Variants in TYW1B observed in about 807,000 individuals in gnomAD.
The protein encoded by TYW1B is S-adenosyl-L-methionine-dependent tRNA 4-demethylwyosine synthase TYW1B.
Under a neutral mutation model 86.9 loss-of-function variants are expected in TYW1B, and 73 were observed. The observed-to-expected ratio is 0.84, with a 90% CI of 0.70 to 1.02. The LOEUF (loss-of-function observed/expected upper bound fraction) is 1.02. Among genes scored for constraint, TYW1B ranks in the 50% least tolerant of loss-of-function variants. TYW1B has a pLI of 0.00. For synonymous variants in TYW1B, 248 were observed against 292.8 expected, an observed-to-expected ratio of 0.85 and a Z score of 1.56; for missense variants, 637 against 827.4, an observed-to-expected ratio of 0.77 and a Z score of 2.82.
At chr7:72,664,961 T>C (rs1227144607) in intron 11 of TYW1B, among the ~76,000 whole-genome samples, 2 of 152,208 alleles carry the variant, frequency 1.3e-5, no homozygotes, top group East Asian at 1.9e-4. Flanking sequence ...GCTAATACAA[T>C]GTAAACGCTA....
intron 13 of TYW1B, among the ~76,000 whole-genome samples, chr7:72,594,796 T>C (rs1438394806): frequency 1.3e-5 from 2 of 152,182 alleles, no homozygotes; most frequent in Admixed American, 6.6e-5. Context: ...AAAAGAATTA[T>C]ATGCCCTGGA....
Position 72,744,591 on chromosome 7 carries a change from C to T in TYW1B, c.975G>A (p.Pro325=), listed in dbSNP as rs782051078. 1.6e-4 allele frequency: 255 copies of T among 1,613,684 alleles called. 1 individual carries two copies. Among genetic ancestry groups the T allele is most frequent in the Non-Finnish European group, 2.0e-4 (240 of 1,179,754 alleles). ...REALTKQVDA[P]RERSLLQTHI... ...GTGTTTGTAACAAGCTCCTCTCCCT[C>T]GGAGCATCGACTATGACAAGTAAAC... is the stretch of plus-strand genomic sequence containing the variant. The change falls in exon 8 of 14, where the codon CCG becomes CCA. Residue 325 remains proline, a synonymous_variant. Coordinates refer to ENST00000620995, the MANE Select transcript of TYW1B (RefSeq NM_001145440.3).
intron 10 of TYW1B, among the ~76,000 whole-genome samples, chr7:72,711,380 G>T (rs1786657561): frequency 6.6e-6 from 1 of 150,588 alleles, no homozygotes; most frequent in Non-Finnish European, 1.5e-5. Flanking sequence ...ACAGAGTGTG[G>T]CTTCTGACCT....
chr7:72,671,173 A>G (rs1813592316), intron 11 of TYW1B, among the ~76,000 whole-genome samples: 1 of 152,182 alleles, frequency 6.6e-6, no homozygotes, highest in Admixed American at 6.5e-5. Context: ...AACCTACAAA[A>G]TAGAAAATAC....
chr7:72,610,564 T>C (rs1450703625), intron 13 of TYW1B, among the ~76,000 whole-genome samples: 1 of 151,958 alleles, frequency 6.6e-6, no homozygotes, highest in African/African-American at 2.4e-5. Flanking sequence ...AGACCCCCAT[T>C]TCACCCTCAG....
intron 6 of TYW1B, among the ~76,000 whole-genome samples, chr7:72,779,156 T>C (rs572121003): frequency 9.1e-4 from 138 of 152,360 alleles, no homozygotes; most frequent in South Asian, 8.7e-3. Flanking sequence ...CTGTCTATTT[T>C]AAATGTCCAG....
intron 6 of TYW1B, among the ~76,000 whole-genome samples, chr7:72,799,691 A>G (rs185104706): frequency 0.014 from 2,144 of 151,376 alleles, 65 homozygotes; most frequent in African/African-American, 0.046. Flanking sequence ...GATCTCGATC[A>G]CCTGACCTCG....
rs1812848569 is a variant in TYW1B at position 72,643,384 on chromosome 7, C to T, written c.1507-14387G>A. 2.6e-5 allele frequency among the ~76,000 whole-genome samples: 4 copies of T among 151,874 alleles called. No homozygotes were observed. The South Asian group carries it at 6.3e-4, about 24-fold the overall frequency. ...GGCGGATCACCTAAGGTCAGGAGTTCGAGACCAGCCTGATCAACACTGTGA... is the reference window on the plus strand; with the variant it reads ...GGCGGATCACCTAAGGTCAGGAGTTTGAGACCAGCCTGATCAACACTGTGA... On this transcript the variant is annotated intron_variant, in intron 11 of 13. Coordinates refer to ENST00000620995, the MANE Select transcript of TYW1B (RefSeq NM_001145440.3).
At chr7:72,774,572 A>G (rs1230827347) in intron 7 of TYW1B, among the ~76,000 whole-genome samples, 1 of 151,882 alleles carries the variant, frequency 6.6e-6, no homozygotes, top group Non-Finnish European at 1.5e-5. Context: ...AATACAAAAA[A>G]TTAGCCAGGC....
At chr7:72,727,086 G>A (rs375937647) in intron 9 of TYW1B, among the ~76,000 whole-genome samples, 12 of 152,132 alleles carry the variant, frequency 7.9e-5, no homozygotes, top group African/African-American at 2.4e-4. Flanking sequence ...GGATTACGGA[G>A]ATTACAATTC....
At chr7:72,771,393 T>C (rs1436345849) in intron 7 of TYW1B, among the ~76,000 whole-genome samples, 1 of 152,250 alleles carries the variant, frequency 6.6e-6, no homozygotes, top group Non-Finnish European at 1.5e-5. Context: ...TAATAACTTA[T>C]ATCTTAATTG....
At chr7:72,637,725 ACTT>A (rs1208340102) in intron 11 of TYW1B, among the ~76,000 whole-genome samples, 7 of 151,426 alleles carry the variant, frequency 4.6e-5, no homozygotes, top group African/African-American at 1.7e-4. Flanking sequence ...GTACCAATTA[ACTT>A]CTTAATATAT....
intron 9 of TYW1B, among the ~76,000 whole-genome samples, chr7:72,725,209 C>T (rs1161136071): frequency 6.6e-6 from 1 of 152,084 alleles, no homozygotes; most frequent in African/African-American, 2.4e-5. Flanking sequence ...AGTGCATTTG[C>T]AAAAACGCTC....
chr7:72,782,913 T>C (rs1162083456), intron 6 of TYW1B, among the ~76,000 whole-genome samples: 1 of 151,986 alleles, frequency 6.6e-6, no homozygotes, highest in Non-Finnish European at 1.5e-5. Flanking sequence ...ATGCCCAAAT[T>C]CTCCAGAGGT....
intron 12 of TYW1B, among the ~76,000 whole-genome samples, chr7:72,625,445 C>T (rs1427176118): frequency 3.9e-5 from 6 of 151,928 alleles, no homozygotes; most frequent in South Asian, 4.2e-4. Context: ...ATAGTGAGAC[C>T]CCATTTCTAT....
chr7:72,809,312 G>C (rs1788557776), intron 4 of TYW1B, among the ~76,000 whole-genome samples: 2 of 152,028 alleles, frequency 1.3e-5, no homozygotes, highest in South Asian at 2.1e-4. Flanking sequence ...CAAAGTGCTG[G>C]GATTACAGGC....
chr7:72,679,108 A>T (rs1813809102), intron 11 of TYW1B, among the ~76,000 whole-genome samples: 1 of 152,166 alleles, frequency 6.6e-6, no homozygotes, highest in African/African-American at 2.4e-5. Flanking sequence ...TCAAAAAACA[A>T]ATAAAATAGA....
chr7:72,625,225 T>C (rs1812316090), intron 12 of TYW1B, among the ~76,000 whole-genome samples: 1 of 152,196 alleles, frequency 6.6e-6, no homozygotes. Context: ...TCTCCAGAGC[T>C]TTAACAAGGC....
chr7:72,822,252 C>G (rs1314187203), intron 2 of TYW1B, among the ~76,000 whole-genome samples: 4 of 145,708 alleles, frequency 2.7e-5, no homozygotes, highest in African/African-American at 5.1e-5. Flanking sequence ...ATCTGAGACA[C>G]AGAAGACGAT....
Sources: gnomAD v4.1 joint callset for allele counts (sites outside exome capture counted in the v4.1 genomes callset) on GRCh38, gnomAD v4.1.1 for gene constraint, MANE v1.5 for transcripts, NCBI Gene and HGNC (gene_info 2026-07-23, HGNC 2026-07-21) for gene names.